RYR2: variants seen among roughly 807,000 people sequenced by gnomAD.
The protein encoded by RYR2 is cardiac muscle ryanodine receptor-calcium release channel.
In RYR2, 227 loss-of-function variants were observed where a neutral mutation model predicts 601.1. That is an observed-to-expected ratio of 0.38 (90% CI 0.34 to 0.42). The LOEUF (loss-of-function observed/expected upper bound fraction) is 0.42, where lower values mean the gene tolerates loss of function less well. RYR2 is among the 10% of genes least tolerant of loss of function. The probability of loss-of-function intolerance (pLI) is 1.00; values close to 1 mark genes in which losing one functional copy is unlikely to be tolerated. For missense variants in RYR2, 4,646 were observed against 6,156.5 expected (o/e 0.75, Z 8.21); for synonymous variants, 2,223 against 2,175.1 (o/e 1.02, Z -0.61).
At chr1:237,788,829 A>C (rs565220823) in intron 92 of RYR2, among the ~76,000 whole-genome samples, 1 of 152,094 alleles carries the variant, frequency 6.6e-6, no homozygotes, top group African/African-American at 2.4e-5. Context: ...ATGTCTATTC[A>C]TATTTATCTT....
intron 34 of RYR2, among the ~76,000 whole-genome samples, chr1:237,600,333 A>C (rs1303098653): frequency 6.6e-6 from 1 of 152,230 alleles, no homozygotes; most frequent in African/African-American, 2.4e-5. Flanking sequence ...CAAAGGTGCC[A>C]AGAACACACA....
At position 237,468,984 on chromosome 1, in the gene RYR2, C is replaced by T. The variant is rs1660382978; in HGVS notation, c.1613-108C>T. On this transcript the variant is annotated intron_variant, in intron 16 of 104. Transcript: ENST00000366574. ...TGTTTGCATAAGTTTTTAGATGTAACAGAGGATATTTTGTTCTTGATCCAA... is the reference window on the plus strand; with the variant it reads ...TGTTTGCATAAGTTTTTAGATGTAATAGAGGATATTTTGTTCTTGATCCAA... 3.0e-6 allele frequency: 2 copies of T among 672,056 alleles called. 1 individual carries two copies. The highest frequency in any genetic ancestry group is 3.7e-5 in the South Asian group (2 of 54,092). 41.6% of individuals were successfully genotyped at this position (672,056 alleles called of 1,614,324 possible).
At chr1:237,154,786 T>C (rs1675123293) in intron 1 of RYR2, among the ~76,000 whole-genome samples, 1 of 152,262 alleles carries the variant, frequency 6.6e-6, no homozygotes, top group Non-Finnish European at 1.5e-5. Context: ...TATGTATGTA[T>C]GTTTTTCCTA....
In RYR2 at chr1:237,718,379, A is replaced by G; in HGVS notation, c.10495-83A>G. On this transcript the variant is annotated intron_variant, in intron 72 of 104. Transcript: ENST00000366574. Reference sequence around the variant, plus strand: ...TGTTTCTCAGACGTATACTATTTCAAAAAAGGTTTGGATTGTTTCTATTGA... The same window carrying G: ...TGTTTCTCAGACGTATACTATTTCAGAAAAGGTTTGGATTGTTTCTATTGA... 2.9e-6 allele frequency: 2 copies of G among 696,624 alleles called. 1 individual carries two copies. Among genetic ancestry groups the G allele is most frequent in the South Asian group, 4.0e-5 (2 of 49,514 alleles). The allele number at this position is 696,624 out of a possible 1,614,324, so 43.2% of individuals were successfully genotyped here.
rs755621953 is a variant in RYR2, at chr1:237,610,252, T to C, written c.4684-510T>C. Among the ~76,000 whole-genome samples, 1 of 152,172 alleles carries C rather than the reference T, an allele frequency of 6.6e-6. No individual in the cohort carries two copies. Among genetic ancestry groups the C allele is most frequent in the Non-Finnish European group, 1.5e-5 (1 of 68,030 alleles). ...TGTTAATGCCTAACATATTCTGTTT[T>C]CTTATTCGGTAGTCAGGTTTATCTG... On this transcript the variant is annotated intron_variant, in intron 35 of 104. Transcript: ENST00000366574. This position sits in a 1 kb window ranked among gnomAD's most constrained non-coding sequence, Gnocchi z 4.9.
chr1:237,393,952 G>T (rs991756302), intron 10 of RYR2, among the ~76,000 whole-genome samples: 1 of 152,150 alleles, frequency 6.6e-6, no homozygotes, highest in Admixed American at 6.5e-5. Context: ...AATTTGAGCT[G>T]TTGGATCTTG....
At position 237,058,366 on chromosome 1, in the gene RYR2, T is replaced by G. The variant is rs954953018; in HGVS notation, c.48+15797T>G. On this transcript the variant is annotated intron_variant, in intron 1 of 104. Transcript: ENST00000366574. Reference sequence around the variant, plus strand: ...AAATTAGCAATTTATATTTTGAGAGTTTTTTCCTCCACATTTTTGTGTAAT... The same window carrying G: ...AAATTAGCAATTTATATTTTGAGAGGTTTTTCCTCCACATTTTTGTGTAAT... Among the ~76,000 whole-genome samples the G allele has an allele frequency of 3.9e-5, 6 of 152,118 alleles. No individual in the cohort carries two copies. The South Asian group carries it at 1.2e-3, about 32-fold the overall frequency.
At chr1:237,623,683 C>T (rs1053285302) in intron 38 of RYR2, 82 bp from the exon 39 acceptor site, 12 of 848,420 alleles carry the variant, frequency 1.4e-5, no homozygotes, top group South Asian at 4.7e-5. Flanking sequence ...TGAGCCACTC[C>T]GCCCGGCCCT....
Position 237,536,763 on chromosome 1 carries a change from G to A in RYR2, c.2906+6253G>A, listed in dbSNP as rs1374953131. Reference sequence around the variant, plus strand: ...TAGCCGGGCATGGTGGCAGGCGCCTGTAGTCCCAGCTACTAGGGAGGCTGA... The same window carrying A: ...TAGCCGGGCATGGTGGCAGGCGCCTATAGTCCCAGCTACTAGGGAGGCTGA... On this transcript the variant is annotated intron_variant, in intron 25 of 104. Transcript: ENST00000366574. Among the ~76,000 whole-genome samples the A allele has an allele frequency of 7.9e-5, 11 of 139,822 alleles. No individual in the cohort carries two copies. In the South Asian group the frequency reaches 8.9e-4, roughly 11 times the overall value. The allele number at this position is 139,822 out of a possible 152,430, so 91.7% of individuals were successfully genotyped here.
At chr1:237,781,264 G>A (rs1024124788) in intron 88 of RYR2, among the ~76,000 whole-genome samples, 3 of 152,094 alleles carry the variant, frequency 2.0e-5, no homozygotes, top group Admixed American at 1.3e-4. Flanking sequence ...TGCCCAGCCT[G>A]GTCTCAAACT....
intron 76 of RYR2, among the ~76,000 whole-genome samples, chr1:237,727,555 A>G (rs1180503291): frequency 6.6e-6 from 1 of 152,076 alleles, no homozygotes; most frequent in Non-Finnish European, 1.5e-5. Flanking sequence ...TCTCTGCCCC[A>G]TGACATTGGT....
At chr1:237,218,812 G>A (rs1011267379) in intron 1 of RYR2, among the ~76,000 whole-genome samples, 4 of 152,010 alleles carry the variant, frequency 2.6e-5, no homozygotes, top group African/African-American at 9.7e-5. Context: ...AGAACAAGCT[G>A]GGGAGTCAGA....
At position 237,536,597 on chromosome 1, in the gene RYR2, C is replaced by T. The variant is rs531554693; in HGVS notation, c.2906+6087C>T. ...GGGCGTGGTGGCGGGCGCCTGTAGT[C>T]CCTGCTACTGGGGAGACTGAGGCAG... On this transcript the variant is annotated intron_variant, in intron 25 of 104. Coordinates refer to ENST00000366574, the MANE Select transcript of RYR2 (RefSeq NM_001035.3). Among the ~76,000 whole-genome samples, 21 of 152,180 alleles carry T rather than the reference C, an allele frequency of 1.4e-4. No homozygotes were observed. In the South Asian group the frequency reaches 3.9e-3, roughly 29 times the overall value.
At chr1:237,778,904 AT>A in intron 88 of RYR2, 134 bp downstream of exon 88, 2 of 511,546 alleles carry the variant, frequency 3.9e-6, no homozygotes, top group Non-Finnish European at 7.1e-6. Context: ...TTTTAAGATC[AT>A]TTTATCATGC....
intron 27 of RYR2, among the ~76,000 whole-genome samples, chr1:237,561,535 G>C (rs576320046): frequency 6.6e-6 from 1 of 152,306 alleles, no homozygotes; most frequent in Admixed American, 6.5e-5. Context: ...ATCGCTACTA[G>C]AAAGAAAGTA....
At chr1:237,756,852 A>G (rs1370694114) in intron 81 of RYR2, among the ~76,000 whole-genome samples, 2 of 152,226 alleles carry the variant, frequency 1.3e-5, no homozygotes, top group African/African-American at 2.4e-5. Context: ...GTTTACACAC[A>G]TAGGTGGCAA....
intron 10 of RYR2, among the ~76,000 whole-genome samples, chr1:237,388,810 G>C (rs974737912): frequency 6.6e-6 from 1 of 152,180 alleles, no homozygotes; most frequent in African/African-American, 2.4e-5. Context: ...AATGTAGTAA[G>C]ATGAATATGT....
chr1:237,738,219 G>T (rs1691313498), intron 79 of RYR2, among the ~76,000 whole-genome samples: 1 of 152,004 alleles, frequency 6.6e-6, no homozygotes, highest in Non-Finnish European at 1.5e-5. Context: ...ATCTTACTTA[G>T]GTTTTTGTTT....
At chr1:237,664,027 C>T (rs1558170466) in intron 56 of RYR2, among the ~76,000 whole-genome samples, 1 of 152,158 alleles carries the variant, frequency 6.6e-6, no homozygotes, top group African/African-American at 2.4e-5. Context: ...CAGCAAAAAA[C>T]ATTTCTGACA....
Sources: allele counts gnomAD v4.1 joint callset (sites outside exome capture counted in the v4.1 genomes callset), GRCh38; gene constraint gnomAD v4.1.1; non-coding constraint Gnocchi (gnomAD v3.1); transcripts MANE v1.5; gene names NCBI Gene and HGNC (gene_info 2026-07-23, HGNC 2026-07-21).